The following KCNF1 variants were observed in gnomAD, a reference collection of about 807,000 sequenced individuals.
KCNF1 encodes the protein potassium voltage-gated channel modifier subfamily F member 1.
In KCNF1, 9 loss-of-function variants were observed where a neutral mutation model predicts 28.6. The observed-to-expected ratio is 0.31, with a 90% CI of 0.19 to 0.55. KCNF1 has a LOEUF of 0.55. KCNF1 is among the 20% of genes least tolerant of loss of function. KCNF1 has a pLI of 0.93. For missense variants in KCNF1, 461 were observed against 684.2 expected (o/e 0.67, Z 3.64); for synonymous variants, 328 against 299.6 (o/e 1.09, Z -0.98).
Position 10,913,239 on chromosome 2 carries a change from G to T in KCNF1, c.813G>T (p.Thr271=), listed in dbSNP as rs1364246094. The change falls in exon 1 of 1, where the codon ACG becomes ACT. Residue 271 remains threonine, a synonymous_variant. Transcript: ENST00000295082. This position sits in a 1 kb window ranked among gnomAD's most constrained non-coding sequence, Gnocchi z 5.5. The stretch of plus-strand genomic sequence containing the variant: ...TCCTCCCCTTCTACGTGAGCCTCAC[G>T]CTCACGCACCTGGGTGCCCGCATGA... The part of the protein sequence containing the change: ...LAILPFYVSL[T]LTHLGARMME... The T allele has an allele frequency of 6.2e-7, 1 of 1,613,422 alleles. No homozygotes were observed. Among genetic ancestry groups the T allele is most frequent in the Non-Finnish European group, 8.5e-7 (1 of 1,180,024 alleles).
At position 10,913,313 on chromosome 2, in the gene KCNF1, G is replaced by A; in HGVS notation, c.887G>A (p.Arg296His). ...QQAVQALRIMRIARIFKLARH... is the reference protein window; with the variant it reads ...QQAVQALRIMHIARIFKLARH... ...GCCGTGCAGGCGCTGCGGATCATGC[G>A]CATCGCGCGCATCTTCAAGCTGGCC... Residue 296 changes from arginine (R) to histidine (H), a missense_variant, in exon 1 of 1, where the codon CGC (arginine) becomes CAC (histidine). Arg to His is a conservative substitution (Grantham distance 29). Coordinates refer to ENST00000295082, the MANE Select transcript of KCNF1 (RefSeq NM_002236.5). This position sits in a 1 kb window ranked among gnomAD's most constrained non-coding sequence, Gnocchi z 5.5. The A allele has an allele frequency of 6.2e-7, 1 of 1,612,806 alleles. No homozygotes were observed. Among genetic ancestry groups the A allele is most frequent in the Non-Finnish European group, 8.5e-7 (1 of 1,179,706 alleles).
In KCNF1 at chr2:10,913,249, C is replaced by T. The variant is rs755654460; in HGVS notation, c.823C>T (p.Leu275=). ...PFYVSLTLTH[L]GARMMELTNV... The stretch of plus-strand genomic sequence containing the variant: ...CTACGTGAGCCTCACGCTCACGCAC[C>T]TGGGTGCCCGCATGATGGAGCTGAC... The change falls in exon 1 of 1, where the codon CTG becomes TTG. Residue 275 remains leucine, a synonymous_variant. Coordinates refer to ENST00000295082, the MANE Select transcript of KCNF1 (RefSeq NM_002236.5). This position sits in a 1 kb window ranked among gnomAD's most constrained non-coding sequence, Gnocchi z 5.5. 1.2e-6 allele frequency: 2 copies of T among 1,613,534 alleles called. No individual in the cohort carries two copies. Among genetic ancestry groups the T allele is most frequent in the South Asian group, 1.1e-5 (1 of 91,082 alleles).
Position 10,913,290 on chromosome 2 carries a change from C to A in KCNF1, c.864C>A (p.Ala288=), listed in dbSNP as rs202046685. The part of the protein sequence containing the change: ...RMMELTNVQQ[A]VQALRIMRIA... ...TGGAGCTGACCAACGTGCAGCAGGC[C>A]GTGCAGGCGCTGCGGATCATGCGCA... is the stretch of plus-strand genomic sequence containing the variant. Residue 288 remains alanine (A), a synonymous_variant, in exon 1 of 1, where the codon GCC becomes GCA. Coordinates refer to ENST00000295082, the MANE Select transcript of KCNF1 (RefSeq NM_002236.5). This position sits in a 1 kb window ranked among gnomAD's most constrained non-coding sequence, Gnocchi z 5.5. The A allele has an allele frequency of 1.2e-5, 19 of 1,613,218 alleles. No homozygotes were observed. The Admixed American group carries it at 2.0e-4, about 17-fold the overall frequency.
rs1661579110 is a variant in KCNF1, at chr2:10,913,671, G to A, written c.1245G>A (p.Lys415=). Residue 415 remains lysine (K), a synonymous_variant, in exon 1 of 1, where the codon AAG becomes AAA. Transcript: ENST00000295082. This position sits in a 1 kb window ranked among gnomAD's most constrained non-coding sequence, Gnocchi z 5.5. ...ACAACTTTGTCAGGTACTACAACAA[G>A]CAGCGCGTCCTGGAGACCGCGGCCA... The part of the protein sequence containing the change: ...IINNFVRYYN[K]QRVLETAAKH... The A allele has an allele frequency of 6.2e-7, 1 of 1,613,672 alleles. No individual in the cohort carries two copies. Among genetic ancestry groups the A allele is most frequent in the Non-Finnish European group, 8.5e-7 (1 of 1,180,034 alleles).
Position 10,912,945 on chromosome 2 carries a change from G to A in KCNF1, c.519G>A (p.Glu173=). The A allele has an allele frequency of 6.2e-7, 1 of 1,606,508 alleles. No homozygotes were observed. The part of the protein sequence containing the change: ...RCQKCVWKFL[E]KPESSCPARV... ...AGAAGTGCGTCTGGAAGTTCCTGGA[G>A]AAGCCCGAGTCGTCGTGCCCGGCGC... The change falls in exon 1 of 1, where the codon GAG becomes GAA. Residue 173 remains glutamate, a synonymous_variant. Transcript: ENST00000295082. This position sits in a 1 kb window ranked among gnomAD's most constrained non-coding sequence, Gnocchi z 7.9.
Position 10,914,006 on chromosome 2 carries a change from TC to T in KCNF1, c.*101del. ...GACAGCACAGAAGGGCTGTCCTGTG[TC>T]CCCCCAACCCTCCCCTGGACAGACT... On this transcript the variant is annotated 3_prime_UTR_variant, in exon 1 of 1. Coordinates refer to ENST00000295082, the MANE Select transcript of KCNF1 (RefSeq NM_002236.5). The T allele has an allele frequency of 2.2e-6, 3 of 1,385,374 alleles. No homozygotes were observed. Among genetic ancestry groups the T allele is most frequent in the Non-Finnish European group, 2.9e-6 (3 of 1,035,754 alleles). The allele number at this position is 1,385,374 out of a possible 1,614,324, so 85.8% of individuals were successfully genotyped here.
chr2:10,913,587 G>C lies in KCNF1; in HGVS notation c.1161G>C (p.Ala387=), dbSNP rs200755867. 7.4e-6 allele frequency: 12 copies of C among 1,613,318 alleles called. No individual in the cohort carries two copies. Among genetic ancestry groups the C allele is most frequent in the Non-Finnish European group, 1.0e-5 (12 of 1,179,962 alleles). Residue 387 remains alanine, a synonymous_variant, in exon 1 of 1, where the codon GCG becomes GCC. Coordinates refer to ENST00000295082, the MANE Select transcript of KCNF1 (RefSeq NM_002236.5). The surrounding 1 kb of genome is among the most constrained non-coding windows in gnomAD (Gnocchi z 5.5). ...AGACCACGCTGGGCAAGCTCAACGC[G>C]GCCATCAGCTTCTTGTGTGGTGTCA... is the stretch of plus-strand genomic sequence containing the variant. ...YPKTTLGKLN[A]AISFLCGVIA... is the part of the protein sequence containing the mutation.
At position 10,912,604 on chromosome 2, in the gene KCNF1, T is replaced by C; in HGVS notation, c.178T>C (p.Tyr60His). ...GCTCATCAACTGCTTGGCTGGGGGC[T>C]ACGACACCATCTTCTCCCTGTGCGA... ...AELINCLAGG[Y>H]DTIFSLCDDY... is the part of the protein sequence containing the mutation. The change falls in exon 1 of 1, where the codon TAC becomes CAC. Residue 60 changes from tyrosine to histidine, a missense_variant. Around this residue, in one of 4 missense-constraint regions of KCNF1, gnomAD observed 193 missense variants for 280.6 expected, o/e 0.69. Transcript: ENST00000295082. The surrounding 1 kb of genome is among the most constrained non-coding windows in gnomAD (Gnocchi z 7.9). The C allele has an allele frequency of 6.2e-7, 1 of 1,613,058 alleles. No homozygotes were observed. The highest frequency in any genetic ancestry group is 1.7e-4 in the Middle Eastern group (1 of 6,060).
In KCNF1 at chr2:10,912,317, G is replaced by A; in HGVS notation, c.-110G>A. The A allele has an allele frequency of 2.2e-6, 2 of 898,410 alleles. No homozygotes were observed. Among genetic ancestry groups the A allele is most frequent in the Non-Finnish European group, 2.9e-6 (2 of 700,276 alleles). 55.7% of individuals were successfully genotyped at this position (898,410 alleles called of 1,614,324 possible). ...TTCCCCGCAGGCGGGCGCCGGCCAG[G>A]CTCTCCCCGAGATCAGCGCACGGGT... is the stretch of plus-strand genomic sequence containing the variant. On this transcript the variant is annotated 5_prime_UTR_variant, in exon 1 of 1. Transcript: ENST00000295082. The surrounding 1 kb of genome is among the most constrained non-coding windows in gnomAD (Gnocchi z 7.9).
rs1661587833 is a variant in KCNF1 at position 10,914,070 on chromosome 2, A to G, written c.*159A>G. The G allele has an allele frequency of 1.2e-6, 1 of 803,724 alleles. No individual in the cohort carries two copies. The allele number at this position is 803,724 out of a possible 1,614,324, so 49.8% of individuals were successfully genotyped here. On this transcript the variant is annotated 3_prime_UTR_variant, in exon 1 of 1. Coordinates refer to ENST00000295082, the MANE Select transcript of KCNF1 (RefSeq NM_002236.5). ...CCGGCACCTCTGCCAAGGCTGGGTA[A>G]GACTCCTCTATGTTGCCTGCTGTCC... is the stretch of plus-strand genomic sequence containing the variant.
In KCNF1 at chr2:10,912,241, A is replaced by T; in HGVS notation, c.-186A>T. The T allele has an allele frequency of 4.6e-6, 1 of 218,000 alleles. No individual in the cohort carries two copies. Among genetic ancestry groups the T allele is most frequent in the Non-Finnish European group, 8.0e-6 (1 of 124,472 alleles). 13.5% of individuals were successfully genotyped at this position (218,000 alleles called of 1,614,324 possible). Reference sequence around the variant, plus strand: ...AGCCCCGAGCCCCGCCGCCGGGTGCATGCCTCCCCCGCGGCGCGCCCCCGC... The same window carrying T: ...AGCCCCGAGCCCCGCCGCCGGGTGCTTGCCTCCCCCGCGGCGCGCCCCCGC... On this transcript the variant is annotated 5_prime_UTR_variant, in exon 1 of 1. It removes an upstream start codon present in the reference 5' UTR. Transcript: ENST00000295082. The surrounding 1 kb of genome is among the most constrained non-coding windows in gnomAD (Gnocchi z 7.9).
At position 10,913,548 on chromosome 2, in the gene KCNF1, C is replaced by A; in HGVS notation, c.1122C>A (p.Gly374=). The A allele has an allele frequency of 1.9e-6, 3 of 1,613,820 alleles. No individual in the cohort carries two copies. Among genetic ancestry groups the A allele is most frequent in the Non-Finnish European group, 2.5e-6 (3 of 1,180,034 alleles). ...TCACCATGACCACCGTCGGCTACGG[C>A]GACATCTACCCCAAGACCACGCTGG... The part of the protein sequence containing the change: ...AIITMTTVGY[G]DIYPKTTLGK... Residue 374 remains glycine, a synonymous_variant, in exon 1 of 1, where the codon GGC becomes GGA. Coordinates refer to ENST00000295082, the MANE Select transcript of KCNF1 (RefSeq NM_002236.5). The surrounding 1 kb of genome is among the most constrained non-coding windows in gnomAD (Gnocchi z 5.5).
chr2:10,913,027 A>C lies in KCNF1; in HGVS notation c.601A>C (p.Met201Leu), dbSNP rs1339643707. The C allele has an allele frequency of 6.2e-7, 1 of 1,603,576 alleles. No homozygotes were observed. Residue 201 changes from methionine (M) to leucine (L), a missense_variant, in exon 1 of 1, where the codon ATG becomes CTG. By Grantham distance (15) the Met-to-Leu change is conservative. This residue lies in a region of KCNF1 where 193 missense variants were observed against 280.6 expected (regional missense o/e 0.69). Coordinates refer to ENST00000295082, the MANE Select transcript of KCNF1 (RefSeq NM_002236.5). This position sits in a 1 kb window ranked among gnomAD's most constrained non-coding sequence, Gnocchi z 5.5. ...CCTCGTCTCGTCCGTGGTCATGTGC[A>C]TGGGCACCATCCCCGAGCTGCAGGT... ...LILVSSVVMC[M>L]GTIPELQVLD...
Position 10,912,538 on chromosome 2 carries a change from G to C in KCNF1, c.112G>C (p.Gly38Arg). 6.2e-7 allele frequency: 1 copy of C among 1,609,816 alleles called. No individual in the cohort carries two copies. The highest frequency in any genetic ancestry group is 8.5e-7 in the Non-Finnish European group (1 of 1,178,466). The change falls in exon 1 of 1, where the codon GGG (glycine) becomes CGG (arginine). Residue 38 changes from glycine to arginine, a missense_variant. This residue lies in a region of KCNF1 where 193 missense variants were observed against 280.6 expected (regional missense o/e 0.69). Transcript: ENST00000295082. This position sits in a 1 kb window ranked among gnomAD's most constrained non-coding sequence, Gnocchi z 7.9. ...NVGGVRQVLY[G>R]DLLSQYPETR... ...GGGGGGCGTGCGGCAGGTGCTGTAC[G>C]GGGACCTCCTCAGTCAGTACCCTGA...
rs1661550445 is a variant in KCNF1 at position 10,912,417 on chromosome 2, C to T, written c.-10C>T. The stretch of plus-strand genomic sequence containing the variant: ...GCGGGGCGGAGGCTGCGAGGGCGCG[C>T]GCGGGGAGGATGGACGGGTCCGGGG... On this transcript the variant is annotated 5_prime_UTR_variant, in exon 1 of 1. Transcript: ENST00000295082. The surrounding 1 kb of genome is among the most constrained non-coding windows in gnomAD (Gnocchi z 7.9). 7.9e-7 allele frequency: 1 copy of T among 1,266,264 alleles called. No individual in the cohort carries two copies. Among genetic ancestry groups the T allele is most frequent in the Non-Finnish European group, 9.9e-7 (1 of 1,008,530 alleles). 78.4% of individuals were successfully genotyped at this position (1,266,264 alleles called of 1,614,324 possible).
chr2:10,913,727 C>T lies in KCNF1; in HGVS notation c.1301C>T (p.Ser434Phe). The change falls in exon 1 of 1, where the codon TCC becomes TTC. Residue 434 changes from serine to phenylalanine, a missense_variant. Coordinates refer to ENST00000295082, the MANE Select transcript of KCNF1 (RefSeq NM_002236.5). The surrounding 1 kb of genome is among the most constrained non-coding windows in gnomAD (Gnocchi z 5.5). ...KHELELMELN[S>F]SSGGEGKTGG... ...GAGCTGGAGCTGATGGAACTCAACTCCAGCAGCGGGGGCGAGGGCAAGACC... is the reference window on the plus strand; with the variant it reads ...GAGCTGGAGCTGATGGAACTCAACTTCAGCAGCGGGGGCGAGGGCAAGACC... The T allele has an allele frequency of 6.2e-7, 1 of 1,613,742 alleles. No individual in the cohort carries two copies. The highest frequency in any genetic ancestry group is 8.5e-7 in the Non-Finnish European group (1 of 1,179,934).
At position 10,912,356 on chromosome 2, in the gene KCNF1, C is replaced by A. The variant is rs1448831130; in HGVS notation, c.-71C>A. Reference sequence around the variant, plus strand: ...CAGCGCACGGGTGGCACCCGCCGGACCCCCAGCGGCAGCGGCGGCGGCGGC... The same window carrying A: ...CAGCGCACGGGTGGCACCCGCCGGAACCCCAGCGGCAGCGGCGGCGGCGGC... On this transcript the variant is annotated 5_prime_UTR_variant, in exon 1 of 1. Coordinates refer to ENST00000295082, the MANE Select transcript of KCNF1 (RefSeq NM_002236.5). This position sits in a 1 kb window ranked among gnomAD's most constrained non-coding sequence, Gnocchi z 7.9. The A allele has an allele frequency of 6.1e-6, 7 of 1,153,202 alleles. No homozygotes were observed. Among genetic ancestry groups the A allele is most frequent in the Non-Finnish European group, 7.6e-6 (7 of 923,604 alleles). 71.4% of individuals were successfully genotyped at this position (1,153,202 alleles called of 1,614,324 possible).
At position 10,912,311 on chromosome 2, in the gene KCNF1, G is replaced by A. The variant is rs1278466324; in HGVS notation, c.-116G>A. On this transcript the variant is annotated 5_prime_UTR_variant, in exon 1 of 1. Transcript: ENST00000295082. The surrounding 1 kb of genome is among the most constrained non-coding windows in gnomAD (Gnocchi z 7.9). Reference sequence around the variant, plus strand: ...CCGCCCTTCCCCGCAGGCGGGCGCCGGCCAGGCTCTCCCCGAGATCAGCGC... The same window carrying A: ...CCGCCCTTCCCCGCAGGCGGGCGCCAGCCAGGCTCTCCCCGAGATCAGCGC... 2 of 845,274 alleles carry A rather than the reference G, an allele frequency of 2.4e-6. No homozygotes were observed. The highest frequency in any genetic ancestry group is 5.7e-5 in the South Asian group (1 of 17,548). The allele number at this position is 845,274 out of a possible 1,614,324, so 52.4% of individuals were successfully genotyped here. A position where few individuals can be genotyped will look rare whatever the true frequency, so the allele number is the denominator to read the frequency against.
At position 10,914,022 on chromosome 2, in the gene KCNF1, CT is replaced by C; in HGVS notation, c.*112del. 7.9e-7 allele frequency: 1 copy of C among 1,268,246 alleles called. No homozygotes were observed. Among genetic ancestry groups the C allele is most frequent in the East Asian group, 2.6e-5 (1 of 38,356 alleles). The allele number at this position is 1,268,246 out of a possible 1,614,324, so 78.6% of individuals were successfully genotyped here. Reference sequence around the variant, plus strand: ...TGTCCTGTGTCCCCCCAACCCTCCCCTGGACAGACTCTGAAGGCCCTCCCGG... The same window carrying C: ...TGTCCTGTGTCCCCCCAACCCTCCCCGGACAGACTCTGAAGGCCCTCCCGG... On this transcript the variant is annotated 3_prime_UTR_variant, in exon 1 of 1. Coordinates refer to ENST00000295082, the MANE Select transcript of KCNF1 (RefSeq NM_002236.5).
Sources: gnomAD v4.1 joint callset for allele counts on GRCh38, gnomAD v4.1.1 for gene constraint, gnomAD v4.1.1 regional missense constraint, Gnocchi (gnomAD v3.1) non-coding constraint, MANE v1.5 for transcripts, NCBI Gene and HGNC (gene_info 2026-07-23, HGNC 2026-07-21) for gene names.